FAM118A: variants seen among roughly 807,000 people sequenced by gnomAD.
FAM118A encodes protein FAM118A.
FAM118A carries 25 observed loss-of-function variants against 38.2 expected under a neutral mutation model. The observed-to-expected ratio is 0.65, with a 90% CI of 0.48 to 0.91. FAM118A has a LOEUF of 0.91. FAM118A is among the 40% of genes least tolerant of loss of function. FAM118A has a pLI of 0.00. For synonymous variants in FAM118A, 178 were observed against 184.1 expected, an observed-to-expected ratio of 0.97 and a Z score of 0.27; for missense variants, 425 against 463.3, an observed-to-expected ratio of 0.92 and a Z score of 0.76.
chr22:45,321,953 C>T (rs2084904314), intron 1 of FAM118A: 2 of 306,078 alleles, frequency 6.5e-6, no homozygotes, highest in Admixed American at 5.0e-5. Flanking sequence ...TCTGCAAAAC[C>T]GCCTCTGGCT....
chr22:45,328,649 T>G, intron 4 of FAM118A: 3 of 574,528 alleles, frequency 5.2e-6, no homozygotes, highest in Non-Finnish European at 9.3e-6. Flanking sequence ...AAAAAAGTAA[T>G]AATGGAAAGT....
chr22:45,310,769 GT>G (rs1414349033), intron 1 of FAM118A, among the ~76,000 whole-genome samples: 1 of 152,210 alleles, frequency 6.6e-6, no homozygotes, highest in Non-Finnish European at 1.5e-5. Flanking sequence ...AAGTTTTAAT[GT>G]TCTGCTGAGA....
chr22:45,340,230 C>T (rs1244106417), intron 8 of FAM118A, among the ~76,000 whole-genome samples, 156 bp from the exon 9 acceptor site: 4 of 152,208 alleles, frequency 2.6e-5, no homozygotes, highest in Non-Finnish European at 5.9e-5. Flanking sequence ...AAGGTCATTT[C>T]CAGACAGTGG....
intron 7 of FAM118A, among the ~76,000 whole-genome samples, chr22:45,335,897 G>A (rs776177318): frequency 2.0e-5 from 3 of 152,238 alleles, no homozygotes; most frequent in East Asian, 1.9e-4. Context: ...CTGGGCACCA[G>A]GTGCCTCCCC....
chr22:45,337,132 A>G (rs182632431), intron 8 of FAM118A, among the ~76,000 whole-genome samples: 34 of 152,180 alleles, frequency 2.2e-4, no homozygotes, highest in African/African-American at 7.7e-4. Flanking sequence ...AGACTTCCCC[A>G]CACGAAGCCT....
At chr22:45,312,045 G>A (rs1441060230) in intron 1 of FAM118A, among the ~76,000 whole-genome samples, 1 of 152,118 alleles carries the variant, frequency 6.6e-6, no homozygotes. Context: ...TGCTGGGCTA[G>A]GGGTCCTGAA....
chr22:45,313,273 C>T (rs2084455094), intron 1 of FAM118A, among the ~76,000 whole-genome samples: 1 of 149,274 alleles, frequency 6.7e-6, no homozygotes, highest in South Asian at 2.1e-4. Flanking sequence ...ACTAGAGGGG[C>T]TGGAACTGGA....
At position 45,310,137 on chromosome 22, in the gene FAM118A, A is replaced by C. The variant is rs551002270; in HGVS notation, c.-56A>C. 2 of 150,054 alleles carry C rather than the reference A, an allele frequency of 1.3e-5. No individual in the cohort carries two copies. Among genetic ancestry groups the C allele is most frequent in the African/African-American group, 4.9e-5 (2 of 40,550 alleles). The allele number at this position is 150,054 out of a possible 1,614,324, so 9.3% of individuals were successfully genotyped here. ...GGAGGCGTAGCCGGCTGCGGAGGCG[A>C]AGAGGTGGCAGCGCGAGCTGGGACC... On this transcript the variant is annotated 5_prime_UTR_variant, in exon 1 of 9. Transcript: ENST00000441876.
At chr22:45,321,902 C>T in intron 1 of FAM118A, 1 of 218,884 alleles carries the variant, frequency 4.6e-6, no homozygotes, top group Non-Finnish European at 9.3e-6. Flanking sequence ...TGGCCATGCT[C>T]CAGTCCAGTG....
intron 1 of FAM118A, among the ~76,000 whole-genome samples, chr22:45,312,766 G>T (rs2084427157): frequency 6.6e-6 from 1 of 152,222 alleles, no homozygotes; most frequent in African/African-American, 2.4e-5. Flanking sequence ...ATGAGAAGAT[G>T]CGTAGGGTGA....
chr22:45,335,406 C>T (rs1455458880), intron 7 of FAM118A, 24 bp downstream of exon 7: 1 of 1,614,046 alleles, frequency 6.2e-7, no homozygotes, highest in Non-Finnish European at 8.5e-7. Flanking sequence ...TTCTTCTTGC[C>T]AGCCTGTTTT....
rs531588619 is a variant in FAM118A, at chr22:45,314,117, C to T, written c.-10+3934C>T. Among the ~76,000 whole-genome samples the T allele has an allele frequency of 2.2e-3, 338 of 152,310 alleles. 1 individual carries two copies. The highest frequency in any genetic ancestry group is 6.8e-3 in the Middle Eastern group (2 of 294). ...TGTTGCTGCTGTATCCTACCTCCTT[C>T]CCCCAAGGAGCCTGCAGCATCTCCT... On this transcript the variant is annotated intron_variant, in intron 1 of 8. Transcript: ENST00000441876.
At chr22:45,331,005 C>T (rs1361862707) in intron 5 of FAM118A, among the ~76,000 whole-genome samples, 1 of 152,228 alleles carries the variant, frequency 6.6e-6, no homozygotes, top group Non-Finnish European at 1.5e-5. Context: ...TGCCTGTACC[C>T]TCTCTAGGAG....
chr22:45,319,226 G>A (rs566478441), intron 1 of FAM118A, among the ~76,000 whole-genome samples: 90 of 152,204 alleles, frequency 5.9e-4, no homozygotes, highest in African/African-American at 2.0e-3. Context: ...GTTTTTTTAC[G>A]TCACTGGTTG....
At chr22:45,335,155 C>T (rs1329191712) in intron 6 of FAM118A, 195 bp from the exon 7 acceptor site, 1 of 583,470 alleles carries the variant, frequency 1.7e-6, no homozygotes, top group South Asian at 2.2e-5. Flanking sequence ...CTGGCTCCTT[C>T]AGCGAGTCCT....
At chr22:45,310,297 C>T (rs558945957) in intron 1 of FAM118A, 114 bp downstream of exon 1, 1 of 151,890 alleles carries the variant, frequency 6.6e-6, no homozygotes, top group East Asian at 2.0e-4. Flanking sequence ...TCAGCTCTTC[C>T]CCTGGAGCCC....
chr22:45,335,276 A>C (rs2146710906), intron 6 of FAM118A, 74 bp from the exon 7 acceptor site: 3 of 1,560,662 alleles, frequency 1.9e-6, no homozygotes, highest in East Asian at 2.2e-5. Flanking sequence ...GTTCCCAGTC[A>C]CTGCCTCAGG....
In FAM118A at chr22:45,340,737, C is replaced by T. The variant is rs548388550; in HGVS notation, c.*332C>T. The T allele has an allele frequency of 3.6e-5, 14 of 392,594 alleles. No homozygotes were observed. The highest frequency in any genetic ancestry group is 1.0e-4 in the African/African-American group (5 of 49,420). 24.3% of individuals were successfully genotyped at this position (392,594 alleles called of 1,614,324 possible). ...TCTCTTTTGTCAAGGTGGTATTTTTCGTAATAAAAGGGGAAGAGTAAAGAC... is the reference window on the plus strand; with the variant it reads ...TCTCTTTTGTCAAGGTGGTATTTTTTGTAATAAAAGGGGAAGAGTAAAGAC... On this transcript the variant is annotated 3_prime_UTR_variant, in exon 9 of 9. Transcript: ENST00000441876.
intron 4 of FAM118A, among the ~76,000 whole-genome samples, chr22:45,330,188 C>T (rs1343259990): frequency 6.6e-6 from 1 of 152,198 alleles, no homozygotes; most frequent in African/African-American, 2.4e-5. Context: ...TTCTATGTAA[C>T]TGTCTGTCTT....
Sources: gnomAD v4.1 joint callset for allele counts (sites outside exome capture counted in the v4.1 genomes callset) on GRCh38, gnomAD v4.1.1 for gene constraint, MANE v1.5 for transcripts, NCBI Gene and HGNC (gene_info 2026-07-23, HGNC 2026-07-21) for gene names.